Variants in FER observed in about 807,000 individuals in gnomAD.
FER encodes tyrosine-protein kinase Fer.
In FER, 63 loss-of-function variants were observed where a neutral mutation model predicts 111.0. The observed-to-expected ratio is 0.57, with a 90% CI of 0.46 to 0.70. FER has a LOEUF of 0.70. Among genes scored for constraint, FER ranks in the 30% least tolerant of loss-of-function variants. The pLI is 0.00. For synonymous variants in FER, 327 were observed against 313.9 expected (o/e 1.04, Z -0.44); for missense variants, 914 against 954.0 (o/e 0.96, Z 0.55).
chr5:108,750,558 A>T (rs1234674578), intron 1 of FER, among the ~76,000 whole-genome samples: 6 of 152,214 alleles, frequency 3.9e-5, no homozygotes, highest in Non-Finnish European at 8.8e-5. Flanking sequence ...TTGATTGTTG[A>T]CAGCATTAAA....
At chr5:108,810,190 T>G (rs897267480) in intron 3 of FER, among the ~76,000 whole-genome samples, 10 of 152,208 alleles carry the variant, frequency 6.6e-5, no homozygotes, top group Non-Finnish European at 1.2e-4. Context: ...CGTATGGACT[T>G]CCGTTGGCAG....
At chr5:108,930,037 T>A (rs1327826947) in intron 10 of FER, among the ~76,000 whole-genome samples, 2 of 152,184 alleles carry the variant, frequency 1.3e-5, no homozygotes, top group African/African-American at 4.8e-5. Flanking sequence ...TAGCTGTTTG[T>A]TTTTTGTACC....
Position 108,954,936 on chromosome 5 carries a change from C to G in FER, c.1533+4C>G. On this transcript the variant is annotated splice_donor_region_variant and intron_variant, in intron 12 of 19. Coordinates refer to ENST00000281092, the MANE Select transcript of FER (RefSeq NM_005246.4). ...TTTTATCATACAATATGTTGATGTA[C>G]GTTTCCAGTTTAGTTCATATGTATA... 1 of 1,598,534 alleles carries G rather than the reference C, an allele frequency of 6.3e-7. No individual in the cohort carries two copies. Among genetic ancestry groups the G allele is most frequent in the Non-Finnish European group, 8.5e-7 (1 of 1,171,466 alleles).
chr5:109,018,506 G>A (rs1405624846), intron 13 of FER, among the ~76,000 whole-genome samples: 3 of 151,748 alleles, frequency 2.0e-5, no homozygotes, highest in African/African-American at 7.2e-5. Context: ...GTTTGGTGGT[G>A]AAGAATACAG....
At chr5:108,859,393 G>A (rs1763297468) in intron 5 of FER, among the ~76,000 whole-genome samples, 1 of 151,962 alleles carries the variant, frequency 6.6e-6, no homozygotes, top group African/African-American at 2.4e-5. Flanking sequence ...CCACCCAACA[G>A]CATTTGGTCT....
chr5:109,066,763 C>T (rs1164634182), intron 16 of FER, among the ~76,000 whole-genome samples: 1 of 152,108 alleles, frequency 6.6e-6, no homozygotes, highest in Non-Finnish European at 1.5e-5. Context: ...TTATTGGGCA[C>T]CAGCTTTGTT....
chr5:109,165,313 T>C (rs2126765032), intron 17 of FER, among the ~76,000 whole-genome samples: 1 of 152,326 alleles, frequency 6.6e-6, no homozygotes, highest in Admixed American at 6.5e-5. Context: ...CTAATTTGAG[T>C]GCCTCTAAAT....
At chr5:109,059,401 G>A (rs868532884) in intron 16 of FER, among the ~76,000 whole-genome samples, 32 of 151,272 alleles carry the variant, frequency 2.1e-4, no homozygotes, top group African/African-American at 6.1e-4. Flanking sequence ...GGTGGCGCAC[G>A]CCTGTAGTCC....
rs932389490 is a variant in FER at position 109,051,735 on chromosome 5, T to G, written c.1924+4537T>G. 160 of 1,566,920 alleles carry G rather than the reference T, an allele frequency of 1.0e-4. 1 individual carries two copies. The highest frequency in any genetic ancestry group is 2.6e-6 in the Non-Finnish European group (3 of 1,137,204). Reference sequence around the variant, plus strand: ...TGGTCGCATGGTAAGGGTCGCTCTTTCCCTTAACCCAATCCTTAACGCCCT... The same window carrying G: ...TGGTCGCATGGTAAGGGTCGCTCTTGCCCTTAACCCAATCCTTAACGCCCT... On this transcript the variant is annotated intron_variant, in intron 16 of 19. Transcript: ENST00000281092.
intron 10 of FER, among the ~76,000 whole-genome samples, chr5:108,933,017 CA>C (rs765707297): frequency 2.6e-5 from 4 of 151,974 alleles, no homozygotes; most frequent in Non-Finnish European, 4.4e-5. Flanking sequence ...GGATAGATTG[CA>C]AAAATTTTCT....
intron 17 of FER, among the ~76,000 whole-genome samples, chr5:109,124,878 C>T (rs905526659): frequency 1.3e-5 from 2 of 151,892 alleles, no homozygotes; most frequent in African/African-American, 2.4e-5. Context: ...AACCCCGTCT[C>T]CACTAAAAAT....
chr5:109,083,889 G>A (rs1256473216), intron 16 of FER, among the ~76,000 whole-genome samples: 3 of 151,970 alleles, frequency 2.0e-5, no homozygotes, highest in African/African-American at 7.2e-5. Context: ...GCTATGCTAT[G>A]AATAATAAAG....
chr5:108,917,300 A>G (rs1057187038), intron 10 of FER, among the ~76,000 whole-genome samples: 14 of 152,118 alleles, frequency 9.2e-5, no homozygotes, highest in African/African-American at 3.1e-4. Flanking sequence ...AATTGTTTCT[A>G]TTTTTAAGAT....
At chr5:108,749,053 G>C (rs554465373) in intron 1 of FER, 5 of 152,086 alleles carry the variant, frequency 3.3e-5, no homozygotes, top group Non-Finnish European at 5.8e-5. Context: ...GCGGGGGGAG[G>C]GGGGAAGAGG....
At chr5:108,796,273 ACACAGTCACC>A (rs1756007269) in intron 2 of FER, among the ~76,000 whole-genome samples, 1 of 152,182 alleles carries the variant, frequency 6.6e-6, no homozygotes, top group South Asian at 2.1e-4. Flanking sequence ...GGATGGGGTG[ACACAGTCACC>A]CATGTTGCTA....
At position 108,766,568 on chromosome 5, in the gene FER, T is replaced by C. The variant is rs184615654; in HGVS notation, c.-205-1525T>C. On this transcript the variant is annotated intron_variant, in intron 1 of 19. Transcript: ENST00000281092. ...TTGCTATATCTAGAAGGGAATAAAA[T>C]GTTTTCCTAAGGGCGAAGGCACCCT... is the stretch of plus-strand genomic sequence containing the variant. Among the ~76,000 whole-genome samples, 317 of 152,348 alleles carry C rather than the reference T, an allele frequency of 2.1e-3. 3 individuals carry two copies. The highest frequency in any genetic ancestry group is 7.1e-3 in the African/African-American group (294 of 41,578).
intron 5 of FER, among the ~76,000 whole-genome samples, chr5:108,862,659 T>C (rs2150220162): frequency 6.6e-6 from 1 of 152,318 alleles, no homozygotes; most frequent in East Asian, 1.9e-4. Flanking sequence ...TCAAATACAC[T>C]TGCATGGTAA....
chr5:108,878,931 T>C (rs1441465508), intron 8 of FER, among the ~76,000 whole-genome samples: 1 of 152,168 alleles, frequency 6.6e-6, no homozygotes, highest in African/African-American at 2.4e-5. Context: ...TTTAAGCTGC[T>C]TGGGCTCTAT....
chr5:109,108,929 T>C (rs72796572), intron 17 of FER, among the ~76,000 whole-genome samples: 6,193 of 152,226 alleles, frequency 0.041, 148 homozygotes, highest in Middle Eastern at 0.11. Flanking sequence ...TGCCCAATTA[T>C]TGTTTTAAAA....
Sources: gnomAD v4.1 joint callset for allele counts (sites outside exome capture counted in the v4.1 genomes callset) on GRCh38, gnomAD v4.1.1 for gene constraint, MANE v1.5 for transcripts, NCBI Gene and HGNC (gene_info 2026-07-23, HGNC 2026-07-21) for gene names.